ZBBX: variants seen among roughly 807,000 people sequenced by gnomAD.
ZBBX encodes the protein zinc finger B-box domain containing, also known as zinc finger B-box domain-containing protein 1.
A neutral mutation model predicts 108.5 loss-of-function variants in ZBBX; 101 were observed. The observed-to-expected ratio is 0.93, with a 90% CI of 0.79 to 1.10. The LOEUF is 1.10. Among genes scored for constraint, ZBBX ranks in the 50% least tolerant of loss-of-function variants. The probability of loss-of-function intolerance (pLI) is 0.00; values close to 1 mark genes in which losing one functional copy is unlikely to be tolerated. For synonymous variants in ZBBX, 356 were observed against 323.4 expected, an observed-to-expected ratio of 1.10 and a Z score of -1.08; for missense variants, 1,009 against 941.4, an observed-to-expected ratio of 1.07 and a Z score of -0.94.
chr3:167,188,486 C>A, the ZBBX span, among the ~76,000 whole-genome samples: 2 of 151,892 alleles, frequency 1.3e-5, no homozygotes, highest in Admixed American at 6.6e-5. Context: ...TAAAATAAAT[C>A]TTAAAGGATA....
chr3:167,405,202 A>G (rs552077195), intron 1 of ZBBX, among the ~76,000 whole-genome samples: 1 of 152,326 alleles, frequency 6.6e-6, no homozygotes, highest in East Asian at 1.9e-4. Context: ...ATATGTGAGT[A>G]TGACATCAGG....
At chr3:167,242,362 G>A in intron 21 of ZBBX, 143 bp downstream of exon 21, 2 of 670,934 alleles carry the variant, frequency 3.0e-6, no homozygotes, top group East Asian at 3.0e-5. Context: ...GATCAGCAAA[G>A]GACCCAAACA....
chr3:167,350,358 ATGTCTTT>A, intron 9 of ZBBX, 55 bp downstream of exon 9: 1 of 1,299,082 alleles, frequency 7.7e-7, no homozygotes, highest in Non-Finnish European at 1.1e-6. Flanking sequence ...GACATTTTAA[ATGTCTTT>A]ATGTGGAAAC....
chr3:167,282,175 A>T, intron 20 of ZBBX, 63 bp downstream of exon 20: 1 of 1,494,226 alleles, frequency 6.7e-7, no homozygotes, highest in East Asian at 2.3e-5. Flanking sequence ...GCAAGATATG[A>T]AGAATCCGGC....
chr3:167,330,282 AG>A (rs550702709), intron 10 of ZBBX, among the ~76,000 whole-genome samples: 56 of 152,338 alleles, frequency 3.7e-4, no homozygotes, highest in African/African-American at 1.1e-3. Flanking sequence ...CAAAACCAGA[AG>A]GGTTGCCTGA....
At chr3:167,365,569 C>T (rs1004379342) in intron 6 of ZBBX, among the ~76,000 whole-genome samples, 2 of 151,628 alleles carry the variant, frequency 1.3e-5, no homozygotes, top group Non-Finnish European at 3.0e-5. Flanking sequence ...CAATAGCTTT[C>T]ACCTTAGTTT....
chr3:167,203,198 T>C, the ZBBX span, among the ~76,000 whole-genome samples: 1 of 152,158 alleles, frequency 6.6e-6, no homozygotes, highest in African/African-American at 2.4e-5. Context: ...GTCTTTGGTT[T>C]GCATGTGGCC....
intron 16 of ZBBX, among the ~76,000 whole-genome samples, chr3:167,309,488 C>G (rs1734223382): frequency 6.6e-6 from 1 of 152,270 alleles, no homozygotes; most frequent in Non-Finnish European, 1.5e-5. Flanking sequence ...CCTCTGATAT[C>G]TAGACAGAGG....
the ZBBX span, among the ~76,000 whole-genome samples, chr3:167,233,042 C>T: frequency 2.6e-5 from 4 of 151,776 alleles, no homozygotes; most frequent in African/African-American, 9.7e-5. Flanking sequence ...TAGCACTCTG[C>T]CCTATAAACC....
At chr3:167,185,596 C>T in the ZBBX span, among the ~76,000 whole-genome samples, 1 of 152,020 alleles carries the variant, frequency 6.6e-6, no homozygotes, top group African/African-American at 2.4e-5. Context: ...CTATTATTAT[C>T]ACAAAAAGTA....
chr3:167,337,468 G>A (rs1167262043), intron 9 of ZBBX, among the ~76,000 whole-genome samples: 2 of 152,010 alleles, frequency 1.3e-5, no homozygotes, highest in African/African-American at 2.4e-5. Context: ...GCAGTGAGCC[G>A]AGATTGTGCC....
chr3:167,201,688 C>G, the ZBBX span, among the ~76,000 whole-genome samples: 4 of 152,006 alleles, frequency 2.6e-5, no homozygotes, highest in Admixed American at 6.6e-5. Flanking sequence ...CTAAAAATAA[C>G]AGGGTGCGTC....
chr3:167,364,317 C>G lies in ZBBX; in HGVS notation c.273+1569G>C, dbSNP rs79573605. Among the ~76,000 whole-genome samples the G allele has an allele frequency of 5.9e-3, 891 of 152,094 alleles. 22 individuals carry two copies. The East Asian group carries it at 0.086, about 15-fold the overall frequency. On this transcript the variant is annotated intron_variant, in intron 6 of 21. Coordinates refer to ENST00000675490, the MANE Select transcript of ZBBX (RefSeq NM_001199201.2). ...AATTGCCCCCTTCAGAAACACTAGT[C>G]TAAATAGATACTCAAAACTTTTTTC... is the stretch of plus-strand genomic sequence containing the variant.
intron 20 of ZBBX, among the ~76,000 whole-genome samples, chr3:167,243,604 G>A (rs1000710274): frequency 7.9e-5 from 12 of 151,956 alleles, no homozygotes; most frequent in African/African-American, 2.9e-4. Flanking sequence ...CTCCATGTTG[G>A]TCAGGCTGCT....
Position 167,365,959 on chromosome 3 carries a change from C to G in ZBBX, c.200G>C (p.Trp67Ser), listed in dbSNP as rs1745254988. The change falls in exon 6 of 22, where the codon TGG (tryptophan) becomes TCG (serine). Residue 67 changes from tryptophan (W) to serine (S), a missense_variant. Physicochemically the swap from Trp to Ser is radical, Grantham distance 177. Transcript: ENST00000675490. Reference sequence around the variant, plus strand: ...CAATTTGCCCACTTTTCCAGATTTCCAGTAATACTCGCTTGACCTTTAATA... The same window carrying G: ...CAATTTGCCCACTTTTCCAGATTTCGAGTAATACTCGCTTGACCTTTAATA... The part of the protein sequence containing the change: ...KEDRESSEYY[W>S]KSGKVGKLVN... The G allele has an allele frequency of 1.2e-6, 2 of 1,606,644 alleles. No individual in the cohort carries two copies. Among genetic ancestry groups the G allele is most frequent in the South Asian group, 1.1e-5 (1 of 90,344 alleles).
chr3:167,310,267 A>G (rs1438884050), intron 16 of ZBBX, among the ~76,000 whole-genome samples: 1 of 152,142 alleles, frequency 6.6e-6, no homozygotes, highest in East Asian at 1.9e-4. Flanking sequence ...ATCATTCAAC[A>G]AGTCTCTAGG....
chr3:167,205,779 A>T, the ZBBX span, among the ~76,000 whole-genome samples: 1 of 152,196 alleles, frequency 6.6e-6, no homozygotes, highest in East Asian at 1.9e-4. Flanking sequence ...ACCTGTAATA[A>T]CTACACTATT....
intron 1 of ZBBX, among the ~76,000 whole-genome samples, chr3:167,402,380 C>A (rs1303678133): frequency 6.6e-6 from 1 of 152,162 alleles, no homozygotes; most frequent in Non-Finnish European, 1.5e-5. Flanking sequence ...AGGGAAGCTT[C>A]ATCTCAGTCC....
intron 8 of ZBBX, 65 bp downstream of exon 8, chr3:167,359,805 T>C: frequency 1.3e-6 from 1 of 772,476 alleles, no homozygotes; most frequent in Non-Finnish European, 1.9e-6. Context: ...ATGTGAAAGT[T>C]CTATTCTAAC....
Sources: gnomAD v4.1 joint callset for allele counts (sites outside exome capture counted in the v4.1 genomes callset) on GRCh38, gnomAD v4.1.1 for gene constraint, MANE v1.5 for transcripts, NCBI Gene and HGNC (gene_info 2026-07-23, HGNC 2026-07-21) for gene names.